SENP6: variants seen among roughly 807,000 people sequenced by gnomAD.
SENP6 encodes the protein sentrin-specific protease 6.
Under a neutral mutation model 134.5 loss-of-function variants are expected in SENP6, and 41 were observed. That is an observed-to-expected ratio of 0.30 (90% CI 0.24 to 0.40). SENP6 has a LOEUF of 0.40. SENP6 is among the 10% of genes least tolerant of loss of function. SENP6 has a pLI of 1.00. For synonymous variants in SENP6, 395 were observed against 429.8 expected (o/e 0.92, Z 1.00); for missense variants, 1,248 against 1,312.5 (o/e 0.95, Z 0.76).
chr6:75,608,042 T>C (rs1767157117), intron 1 of SENP6, among the ~76,000 whole-genome samples: 1 of 152,332 alleles, frequency 6.6e-6, no homozygotes, highest in Non-Finnish European at 1.5e-5. Context: ...TGTCATTCCT[T>C]ATTTACTCCT....
chr6:75,621,448 C>A, intron 1 of SENP6, 84 bp from the exon 2 acceptor site: 1 of 823,076 alleles, frequency 1.2e-6, no homozygotes, highest in South Asian at 1.7e-5. Flanking sequence ...CTAGAATAAT[C>A]AAAGAGCTTG....
intron 7 of SENP6, among the ~76,000 whole-genome samples, chr6:75,653,199 T>G (rs1424667821): frequency 6.6e-6 from 1 of 152,106 alleles, no homozygotes; most frequent in African/African-American, 2.4e-5. Context: ...CCTGGCTAAT[T>G]TTGTATTTTT....
chr6:75,708,963 G>A (rs1775588085), intron 19 of SENP6, among the ~76,000 whole-genome samples: 1 of 152,052 alleles, frequency 6.6e-6, no homozygotes, highest in Admixed American at 6.6e-5. Context: ...TTTGAAACAT[G>A]TTGTGATTAG....
intron 6 of SENP6, chr6:75,647,386 CT>C (rs1263505003): frequency 5.7e-6 from 1 of 175,686 alleles, no homozygotes; most frequent in Non-Finnish European, 1.2e-5. Context: ...TTTATAGCCC[CT>C]GACATAATGT....
chr6:75,700,931 T>C (rs1235249023), intron 18 of SENP6, among the ~76,000 whole-genome samples: 1 of 152,166 alleles, frequency 6.6e-6, no homozygotes, highest in Admixed American at 6.6e-5. Context: ...TCTAAATCCA[T>C]AGGGTACTAA....
intron 1 of SENP6, among the ~76,000 whole-genome samples, chr6:75,606,093 A>G (rs1767007296): frequency 6.6e-6 from 1 of 152,236 alleles, no homozygotes. Context: ...TGATAGAAGA[A>G]TGAGAAGGAA....
At chr6:75,610,409 G>C (rs375535795) in intron 1 of SENP6, among the ~76,000 whole-genome samples, 19 of 152,244 alleles carry the variant, frequency 1.2e-4, no homozygotes, top group African/African-American at 4.3e-4. Flanking sequence ...TGCAACAATG[G>C]ATAATCCATT....
At chr6:75,658,851 AGT>A (rs1771541444) in intron 7 of SENP6, among the ~76,000 whole-genome samples, 1 of 151,896 alleles carries the variant, frequency 6.6e-6, no homozygotes, top group South Asian at 2.1e-4. Flanking sequence ...ACGTACCTGT[AGT>A]CACAGCTAGT....
intron 3 of SENP6, among the ~76,000 whole-genome samples, chr6:75,633,213 C>T (rs908715641): frequency 6.6e-6 from 1 of 152,030 alleles, no homozygotes; most frequent in East Asian, 1.9e-4. Flanking sequence ...AAATGACAGC[C>T]GATTGCCATA....
intron 20 of SENP6, 98 bp downstream of exon 20, chr6:75,709,728 G>T: frequency 1.4e-6 from 1 of 733,796 alleles, no homozygotes; most frequent in Non-Finnish European, 2.3e-6. Flanking sequence ...CCAGTGACTT[G>T]GGAGGCTAAG....
intron 5 of SENP6, among the ~76,000 whole-genome samples, chr6:75,639,061 AAAAC>A: frequency 6.6e-6 from 1 of 152,224 alleles, no homozygotes; most frequent in Middle Eastern, 3.4e-3. Context: ...CTCAAAAACA[AAAAC>A]AAGAGAGTAC....
intron 6 of SENP6, among the ~76,000 whole-genome samples, chr6:75,646,034 A>G (rs186320411): frequency 2.0e-4 from 31 of 152,328 alleles, no homozygotes; most frequent in African/African-American, 6.7e-4. Flanking sequence ...ATCAATCTCT[A>G]TACATGCATG....
At chr6:75,689,437 A>G (rs973013733) in intron 16 of SENP6, among the ~76,000 whole-genome samples, 3 of 152,152 alleles carry the variant, frequency 2.0e-5, no homozygotes, top group African/African-American at 7.2e-5. Flanking sequence ...AAAAACAGAA[A>G]ATAAGTGTTG....
In SENP6 at chr6:75,602,400, G is replaced by C; in HGVS notation, c.-125G>C. The C allele has an allele frequency of 4.4e-6, 5 of 1,148,818 alleles. No individual in the cohort carries two copies. In the South Asian group the frequency reaches 7.1e-5, roughly 16 times the overall value. 71.2% of individuals were successfully genotyped at this position (1,148,818 alleles called of 1,614,324 possible). The stretch of plus-strand genomic sequence containing the variant: ...CTGAACGTGGGAGCGCAGCCCGCCT[G>C]ACGGCTGAGCCCGAGGCCCGCAACC... On this transcript the variant is annotated 5_prime_UTR_variant, in exon 1 of 24. Coordinates refer to ENST00000447266, the MANE Select transcript of SENP6 (RefSeq NM_015571.4).
chr6:75,613,447 G>C (rs1339863758), intron 1 of SENP6, among the ~76,000 whole-genome samples: 2 of 151,864 alleles, frequency 1.3e-5, no homozygotes, highest in African/African-American at 4.8e-5. Flanking sequence ...GGTGACCTCT[G>C]CCCTAGAGAA....
intron 3 of SENP6, among the ~76,000 whole-genome samples, chr6:75,629,526 C>T (rs796674351): frequency 9.2e-5 from 14 of 152,252 alleles, no homozygotes; most frequent in African/African-American, 3.4e-4. Context: ...TCTCGAACTC[C>T]AGACCTCAGG....
intron 19 of SENP6, among the ~76,000 whole-genome samples, chr6:75,707,649 C>T (rs994111645): frequency 1.3e-5 from 2 of 152,050 alleles, no homozygotes; most frequent in African/African-American, 4.8e-5. Flanking sequence ...TGAGCCACTG[C>T]GCTCAGCCCA....
At chr6:75,616,819 C>T (rs187134138) in intron 1 of SENP6, among the ~76,000 whole-genome samples, 68 of 150,346 alleles carry the variant, frequency 4.5e-4, no homozygotes, top group African/African-American at 1.6e-3. Context: ...TACGACGTCT[C>T]TTTTGACTTT....
At chr6:75,680,550 G>A (rs1773393934) in intron 16 of SENP6, among the ~76,000 whole-genome samples, 1 of 152,206 alleles carries the variant, frequency 6.6e-6, no homozygotes, top group Admixed American at 6.5e-5. Flanking sequence ...AGCTGTTGAA[G>A]AAGTAAGAAG....
Sources: allele counts gnomAD v4.1 joint callset (sites outside exome capture counted in the v4.1 genomes callset), GRCh38; gene constraint gnomAD v4.1.1; transcripts MANE v1.5; gene names NCBI Gene and HGNC (gene_info 2026-07-23, HGNC 2026-07-21).